The following OR9Q1 variants were observed in gnomAD, a reference collection of about 807,000 sequenced individuals.
OR9Q1 encodes olfactory receptor 9Q1.
For missense variants in OR9Q1, 374 were observed against 378.8 expected (o/e 0.99, Z 0.11); for synonymous variants, 153 against 148.6 (o/e 1.03, Z -0.22).
At chr11:58,037,678 TA>T (rs1853115955) in intron 1 of OR9Q1, among the ~76,000 whole-genome samples, 1 of 18,996 alleles carries the variant, frequency 5.3e-5, no homozygotes, top group East Asian at 1.3e-3. Flanking sequence ...TATATATATA[TA>T]TATATATATA....
At chr11:58,117,035 T>C (rs1853962233) in intron 2 of OR9Q1, 1 of 152,250 alleles carries the variant, frequency 6.6e-6, no homozygotes, top group Non-Finnish European at 1.5e-5. Context: ...TTCATTGCTT[T>C]CATTGACTTT....
intron 2 of OR9Q1, among the ~76,000 whole-genome samples, chr11:58,062,035 C>T (rs1462844819): frequency 6.6e-6 from 1 of 152,172 alleles, no homozygotes; most frequent in Non-Finnish European, 1.5e-5. Flanking sequence ...CCAGAAATGA[C>T]TAGTATAGGT....
intron 2 of OR9Q1, among the ~76,000 whole-genome samples, chr11:58,126,764 T>A (rs1291720490): frequency 6.6e-5 from 10 of 151,908 alleles, no homozygotes; most frequent in Non-Finnish European, 2.9e-5. Flanking sequence ...GAAGGTAGAG[T>A]GGTAATTGGG....
chr11:58,046,453 G>C (rs1590554092), intron 1 of OR9Q1, among the ~76,000 whole-genome samples: 2 of 152,282 alleles, frequency 1.3e-5, no homozygotes, highest in South Asian at 2.1e-4. Context: ...TCTTATCATA[G>C]AGGTATGTGA....
At chr11:58,043,715 G>A (rs150301005) in intron 1 of OR9Q1, among the ~76,000 whole-genome samples, 1 of 152,282 alleles carries the variant, frequency 6.6e-6, no homozygotes, top group Non-Finnish European at 1.5e-5. Flanking sequence ...CCCTTGCATT[G>A]CCAAGTCTCC....
At chr11:58,130,617 C>T (rs1281512469) in intron 2 of OR9Q1, among the ~76,000 whole-genome samples, 2 of 152,020 alleles carry the variant, frequency 1.3e-5, no homozygotes, top group South Asian at 2.1e-4. Context: ...CATGGCGAAA[C>T]CCCATTTCTA....
chr11:58,031,116 A>G (rs773207492), intron 1 of OR9Q1: 2 of 1,614,182 alleles, frequency 1.2e-6, no homozygotes, highest in South Asian at 2.2e-5. Flanking sequence ...GGTTTGGACC[A>G]CCGACTACGG....
intron 2 of OR9Q1, among the ~76,000 whole-genome samples, chr11:58,082,775 AG>A (rs1182488643): frequency 6.9e-6 from 1 of 144,006 alleles, no homozygotes; most frequent in Non-Finnish European, 1.5e-5. Flanking sequence ...AATAATAAAA[AG>A]TTAGGTCTTC....
intron 2 of OR9Q1, among the ~76,000 whole-genome samples, chr11:58,069,184 A>G (rs936453068): frequency 6.6e-6 from 1 of 151,186 alleles, no homozygotes; most frequent in Non-Finnish European, 1.5e-5. Context: ...CACATGGGAG[A>G]CTCCATGCCT....
intron 2 of OR9Q1, among the ~76,000 whole-genome samples, chr11:58,146,164 G>GGTCA (rs1300471060): frequency 4.6e-5 from 7 of 152,264 alleles, no homozygotes; most frequent in African/African-American, 1.7e-4. Flanking sequence ...GATCACCAAA[G>GGTCA]GTCAGAAGCT....
intron 1 of OR9Q1, among the ~76,000 whole-genome samples, chr11:58,053,460 A>T (rs1354867620): frequency 1.8e-5 from 1 of 56,980 alleles, no homozygotes; most frequent in Non-Finnish European, 3.2e-5. Flanking sequence ...GGGTGGGGGG[A>T]GGGGGGAGGG....
chr11:58,146,642 G>A (rs1014342617), intron 2 of OR9Q1, among the ~76,000 whole-genome samples: 3 of 152,132 alleles, frequency 2.0e-5, no homozygotes, highest in African/African-American at 7.2e-5. Flanking sequence ...AGCAGCACAG[G>A]GTGTTATTAT....
intron 1 of OR9Q1, chr11:58,044,037 T>C (rs1187650205): frequency 2.0e-5 from 3 of 152,222 alleles, no homozygotes; most frequent in African/African-American, 7.2e-5. Flanking sequence ...AGGGTAATTC[T>C]TTTTAAACAT....
chr11:58,042,467 G>C (rs955817250), intron 1 of OR9Q1, among the ~76,000 whole-genome samples: 9 of 151,552 alleles, frequency 5.9e-5, no homozygotes, highest in African/African-American at 2.2e-4. Flanking sequence ...GATATGCGGC[G>C]TTATTTCTGA....
intron 2 of OR9Q1, among the ~76,000 whole-genome samples, chr11:58,093,344 TA>T (rs957366672): frequency 6.6e-6 from 1 of 152,022 alleles, no homozygotes; most frequent in African/African-American, 2.4e-5. Flanking sequence ...ATAATTCCAT[TA>T]AAAAGTGGGC....
At chr11:58,130,399 A>G (rs936046718) in intron 2 of OR9Q1, among the ~76,000 whole-genome samples, 1 of 152,222 alleles carries the variant, frequency 6.6e-6, no homozygotes, top group African/African-American at 2.4e-5. Context: ...TTCATTATTA[A>G]CAGGAGTGAT....
At chr11:58,134,900 A>C (rs75915467) in intron 2 of OR9Q1, among the ~76,000 whole-genome samples, 1 of 152,220 alleles carries the variant, frequency 6.6e-6, no homozygotes, top group Admixed American at 6.5e-5. Context: ...GAATAAATGA[A>C]ATAATGGGTG....
At chr11:58,034,074 C>CT (rs61109050) in intron 1 of OR9Q1, among the ~76,000 whole-genome samples, 1,831 of 61,142 alleles carry the variant, frequency 0.03, 226 homozygotes, top group African/African-American at 0.08. Flanking sequence ...TCAGCACTTG[C>CT]TTTTTTTTTT....
intron 2 of OR9Q1, among the ~76,000 whole-genome samples, chr11:58,129,852 T>A (rs1854124446): frequency 6.6e-6 from 1 of 152,178 alleles, no homozygotes; most frequent in Non-Finnish European, 1.5e-5. Flanking sequence ...CAGGGCTTTT[T>A]TTTTCTGTTT....
Sources: allele counts gnomAD v4.1 joint callset (sites outside exome capture counted in the v4.1 genomes callset), GRCh38; gene constraint gnomAD v4.1.1; transcripts MANE v1.5; gene names NCBI Gene and HGNC (gene_info 2026-07-23, HGNC 2026-07-21).